AFF3: variants seen among roughly 807,000 people sequenced by gnomAD.
AFF3 encodes ALF transcription elongation factor 3, also known as AF4/FMR2 family member 3.
AFF3 carries 32 observed loss-of-function variants against 129.7 expected under a neutral mutation model. The ratio of observed to expected loss-of-function variants is 0.25; its 90% CI spans 0.19 to 0.33. The LOEUF is 0.33. Ranked by LOEUF, AFF3 falls within the 10% of genes least tolerant of loss-of-function variation. AFF3 has a pLI of 1.00. For missense variants in AFF3, 1,373 were observed against 1,592.0 expected (o/e 0.86, Z 2.34); for synonymous variants, 644 against 635.4 (o/e 1.01, Z -0.20).
At chr2:99,946,473 TAAAAAAAAAAAAAAAAAAA>T (rs55672296) in intron 7 of AFF3, among the ~76,000 whole-genome samples, 8 of 50,482 alleles carry the variant, frequency 1.6e-4, no homozygotes, top group Non-Finnish European at 1.5e-4. Context: ...GACGCCATCT[TAAAAAAAAAAAAAAAAAAA>T]AAAAAAAAAA....
intron 1 of AFF3, among the ~76,000 whole-genome samples, chr2:100,138,888 T>C (rs1027087000): frequency 8.4e-5 from 12 of 142,336 alleles, no homozygotes; most frequent in Non-Finnish European, 1.6e-4. Flanking sequence ...GAGGCTGCAG[T>C]GAGCCGAAAT....
chr2:100,059,987 A>G (rs141836621), intron 4 of AFF3, among the ~76,000 whole-genome samples: 1 of 152,222 alleles, frequency 6.6e-6, no homozygotes, highest in African/African-American at 2.4e-5. Context: ...CAAAATGCCT[A>G]TGACTAAGTG....
intron 7 of AFF3, among the ~76,000 whole-genome samples, chr2:99,941,132 G>A (rs1346985202): frequency 6.7e-6 from 1 of 149,946 alleles, no homozygotes; most frequent in Non-Finnish European, 1.5e-5. Context: ...GAGCACACCA[G>A]GAAAAACTAA....
intron 7 of AFF3, among the ~76,000 whole-genome samples, chr2:99,885,907 C>T (rs1480013968): frequency 6.6e-6 from 1 of 152,292 alleles, no homozygotes; most frequent in South Asian, 2.1e-4. Flanking sequence ...TCTCTTACTA[C>T]ATTAACCCAT....
chr2:99,582,516 C>T (rs1343044584), intron 17 of AFF3, among the ~76,000 whole-genome samples: 1 of 152,114 alleles, frequency 6.6e-6, no homozygotes, highest in Non-Finnish European at 1.5e-5. Flanking sequence ...TTACTTTGTC[C>T]CGGGATGGTA....
intron 7 of AFF3, among the ~76,000 whole-genome samples, chr2:99,989,547 G>A (rs1164408942): frequency 1.3e-5 from 2 of 152,150 alleles, no homozygotes; most frequent in East Asian, 3.8e-4. Context: ...AAATATGTTT[G>A]GAATAGAATA....
At chr2:99,980,417 A>G (rs1327629809) in intron 7 of AFF3, among the ~76,000 whole-genome samples, 1 of 152,226 alleles carries the variant, frequency 6.6e-6, no homozygotes, top group African/African-American at 2.4e-5. Context: ...CTCAGAAACA[A>G]CTGTGCTGGA....
chr2:99,740,325 C>T (rs1204379082), intron 10 of AFF3, among the ~76,000 whole-genome samples: 6 of 151,372 alleles, frequency 4.0e-5, no homozygotes, highest in Non-Finnish European at 5.9e-5. Context: ...TGGGTATATA[C>T]CCAGTAATGG....
intron 13 of AFF3, among the ~76,000 whole-genome samples, chr2:99,639,912 T>C (rs895632419): frequency 7.2e-5 from 11 of 152,030 alleles, no homozygotes; most frequent in Non-Finnish European, 1.2e-4. Flanking sequence ...AGGCTGGTCT[T>C]GAACTCCTGG....
At chr2:100,017,295 C>T (rs553300499) in intron 4 of AFF3, among the ~76,000 whole-genome samples, 1 of 152,258 alleles carries the variant, frequency 6.6e-6, no homozygotes, top group South Asian at 2.1e-4. Context: ...CACCAGCACT[C>T]CTTTCACCCA....
rs147430016 is a variant in AFF3 at position 99,916,720 on chromosome 2, C to T, written c.874-79196G>A. 1.3e-3 allele frequency among the ~76,000 whole-genome samples: 192 copies of T among 152,142 alleles called. 3 individuals carry two copies. The South Asian group carries it at 0.025, about 20-fold the overall frequency. On this transcript the variant is annotated intron_variant, in intron 7 of 24. Coordinates refer to ENST00000672756, the MANE Select transcript of AFF3 (RefSeq NM_001386135.1). ...ACCATCTCCAGTCACGTCCTGAGAA[C>T]GCATATCATGGTAACACTCCCTAGG...
chr2:99,712,938 C>T (rs1678029059), intron 11 of AFF3, among the ~76,000 whole-genome samples: 1 of 152,188 alleles, frequency 6.6e-6, no homozygotes, highest in Non-Finnish European at 1.5e-5. Flanking sequence ...CATGCTGCAA[C>T]ATGGATGAAC....
At position 99,582,972 on chromosome 2, in the gene AFF3, T is replaced by C; in HGVS notation, c.2619A>G (p.Glu873=). 6.2e-7 allele frequency: 1 copy of C among 1,614,148 alleles called. No individual in the cohort carries two copies. The highest frequency in any genetic ancestry group is 8.5e-7 in the Non-Finnish European group (1 of 1,180,022). ...NSVAIPINKN[E]KMLRSPISPL... ...GTGAGATGGGCGACCGAAGCATTTT[T>C]TCATTTTTATTTATTGGTATTGCCA... The change falls in exon 17 of 25, where the codon GAA becomes GAG. Residue 873 remains glutamate, a synonymous_variant. Transcript: ENST00000672756.
At chr2:99,551,638 G>A (rs1674419078) in intron 24 of AFF3, 43 bp from the exon 25 acceptor site, 1 of 1,612,738 alleles carries the variant, frequency 6.2e-7, no homozygotes, top group Non-Finnish European at 8.5e-7. Flanking sequence ...ACACATGCTA[G>A]GTGTGCTATC....
intron 8 of AFF3, among the ~76,000 whole-genome samples, chr2:99,819,459 C>T (rs1042934028): frequency 6.6e-6 from 1 of 152,148 alleles, no homozygotes; most frequent in Non-Finnish European, 1.5e-5. Flanking sequence ...GTTATTTTAA[C>T]AAGAATAATA....
intron 4 of AFF3, among the ~76,000 whole-genome samples, chr2:100,088,411 A>G (rs1045088654): frequency 1.3e-5 from 2 of 152,190 alleles, no homozygotes; most frequent in African/African-American, 4.8e-5. Flanking sequence ...CTGGCACCTA[A>G]AAAGCTTCCT....
chr2:99,776,256 C>G (rs764651654), intron 8 of AFF3, among the ~76,000 whole-genome samples: 3 of 152,106 alleles, frequency 2.0e-5, no homozygotes, highest in Admixed American at 6.6e-5. Flanking sequence ...GGGCAAATTT[C>G]AAGAAATTAA....
At chr2:99,863,364 A>T (rs1414966759) in intron 7 of AFF3, among the ~76,000 whole-genome samples, 1 of 152,212 alleles carries the variant, frequency 6.6e-6, no homozygotes. Context: ...TCAGATGATG[A>T]CTGATTTAAA....
rs926324918 is a variant in AFF3 at position 99,592,940 on chromosome 2, C to CT, written c.2466+254_2466+255insA. On this transcript the variant is annotated intron_variant, in intron 15 of 24. Transcript: ENST00000672756. ...GACAGAGTGAGACTCCCTCCCCCCC[C>CT]CCCAAAAAAAGGGATAATAATGGTA... Among the ~76,000 whole-genome samples the CT allele has an allele frequency of 4.7e-4, 44 of 93,700 alleles. No individual in the cohort carries two copies. The East Asian group carries it at 0.014, about 30-fold the overall frequency. 61.5% of individuals were successfully genotyped at this position (93,700 alleles called of 152,430 possible).
Sources: allele counts gnomAD v4.1 joint callset (sites outside exome capture counted in the v4.1 genomes callset), GRCh38; gene constraint gnomAD v4.1.1; transcripts MANE v1.5; gene names NCBI Gene and HGNC (gene_info 2026-07-23, HGNC 2026-07-21).